The following PTPRR variants were observed in gnomAD, a reference collection of about 807,000 sequenced individuals.
PTPRR encodes receptor-type tyrosine-protein phosphatase R.
Under a neutral mutation model 77.2 loss-of-function variants are expected in PTPRR, and 38 were observed. The observed-to-expected ratio is 0.49, with a 90% CI of 0.38 to 0.65. The LOEUF (loss-of-function observed/expected upper bound fraction) is 0.65, where lower values mean the gene tolerates loss of function less well. Among genes scored for constraint, PTPRR ranks in the 30% least tolerant of loss-of-function variants. The probability of loss-of-function intolerance (pLI) is 0.00; values close to 1 mark genes in which losing one functional copy is unlikely to be tolerated. For missense variants in PTPRR, 744 were observed against 799.2 expected (o/e 0.93, Z 0.83); for synonymous variants, 299 against 283.1 (o/e 1.06, Z -0.57).
intron 2 of PTPRR, among the ~76,000 whole-genome samples, chr12:70,831,877 G>A (rs1231401420): frequency 6.6e-6 from 1 of 152,158 alleles, no homozygotes; most frequent in Non-Finnish European, 1.5e-5. Flanking sequence ...CTTGAACTGA[G>A]GGGTTCTTCT....
At chr12:70,656,560 A>C (rs1434922879) in intron 13 of PTPRR, 144 bp downstream of exon 13, 4 of 559,722 alleles carry the variant, frequency 7.1e-6, no homozygotes, top group Non-Finnish European at 1.3e-5. Flanking sequence ...TTTTTAATAT[A>C]ATGCATATAC....
intron 6 of PTPRR, among the ~76,000 whole-genome samples, chr12:70,731,571 G>T (rs1359955657): frequency 6.6e-6 from 1 of 152,206 alleles, no homozygotes; most frequent in Non-Finnish European, 1.5e-5. Context: ...TCATTAAACA[G>T]GAGCAGAGGG....
At chr12:70,818,639 T>A (rs1355360887) in intron 2 of PTPRR, among the ~76,000 whole-genome samples, 1 of 152,226 alleles carries the variant, frequency 6.6e-6, no homozygotes, top group Non-Finnish European at 1.5e-5. Flanking sequence ...GGTTGGCTCA[T>A]AGTTGTCATG....
At chr12:70,767,248 G>C (rs1890848759) in intron 2 of PTPRR, among the ~76,000 whole-genome samples, 1 of 151,994 alleles carries the variant, frequency 6.6e-6, no homozygotes, top group Non-Finnish European at 1.5e-5. Flanking sequence ...AGACCCATCA[G>C]TGTGCTGTAT....
intron 2 of PTPRR, among the ~76,000 whole-genome samples, chr12:70,827,519 T>C (rs951084247): frequency 1.3e-5 from 2 of 149,526 alleles, no homozygotes; most frequent in African/African-American, 5.0e-5. Flanking sequence ...CTCCAGAATA[T>C]CTTTTCTTTT....
chr12:70,874,251 T>A (rs546704050), intron 2 of PTPRR, among the ~76,000 whole-genome samples: 2 of 152,306 alleles, frequency 1.3e-5, no homozygotes, highest in East Asian at 3.9e-4. Flanking sequence ...AGTCCCCTGA[T>A]TTTAATGCCC....
intron 4 of PTPRR, among the ~76,000 whole-genome samples, chr12:70,756,389 T>C (rs186458614): frequency 5.9e-5 from 9 of 152,190 alleles, no homozygotes; most frequent in Admixed American, 2.0e-4. Flanking sequence ...TGTACAGAGA[T>C]CTAAAAAACT....
intron 4 of PTPRR, among the ~76,000 whole-genome samples, chr12:70,756,726 C>G (rs1257056999): frequency 6.6e-6 from 1 of 152,062 alleles, no homozygotes; most frequent in Non-Finnish European, 1.5e-5. Context: ...TTCTCTATAT[C>G]CTGTTTAATA....
Position 70,745,965 on chromosome 12 carries a change from T to C in PTPRR, c.860A>G (p.His287Arg). 1 of 1,614,168 alleles carries C rather than the reference T, an allele frequency of 6.2e-7. No homozygotes were observed. Among genetic ancestry groups the C allele is most frequent in the Non-Finnish European group, 8.5e-7 (1 of 1,180,022 alleles). The change falls in exon 6 of 14, where the codon CAC becomes CGC. Residue 287 changes from histidine to arginine, a missense_variant. Physicochemically the swap from His to Arg is conservative, Grantham distance 29 (BLOSUM62 0). This residue lies in a region of PTPRR where 570 missense variants were observed against 573.2 expected (regional missense o/e 0.99). Transcript: ENST00000283228. ...QPALSEAKTV[H>R]SMVQPEQAPK... ...GGCCTGCTCAGGTTGGACCATGCTG[T>C]GGACTGTCTTTGCCTCGGACAGTGC...
At chr12:70,798,223 T>C (rs973602411) in intron 2 of PTPRR, among the ~76,000 whole-genome samples, 2 of 152,138 alleles carry the variant, frequency 1.3e-5, no homozygotes, top group African/African-American at 4.8e-5. Context: ...ACCCACTCCA[T>C]CCTCAGATAT....
At chr12:70,821,811 C>T (rs1433993936) in intron 2 of PTPRR, among the ~76,000 whole-genome samples, 1 of 151,984 alleles carries the variant, frequency 6.6e-6, no homozygotes, top group Non-Finnish European at 1.5e-5. Context: ...ACTACAGGCG[C>T]CCGCCACCAC....
intron 2 of PTPRR, among the ~76,000 whole-genome samples, chr12:70,844,890 T>A (rs1030545825): frequency 1.3e-5 from 2 of 152,098 alleles, no homozygotes; most frequent in African/African-American, 4.8e-5. Flanking sequence ...TCTCAAGGAA[T>A]TAGAATTTGG....
chr12:70,852,536 G>A (rs1426190431), intron 2 of PTPRR, among the ~76,000 whole-genome samples: 1 of 152,074 alleles, frequency 6.6e-6, no homozygotes, highest in Non-Finnish European at 1.5e-5. Flanking sequence ...AACAGCAATC[G>A]AATCCCTTCT....
chr12:70,896,082 G>A (rs965866329), intron 1 of PTPRR, among the ~76,000 whole-genome samples: 1 of 151,530 alleles, frequency 6.6e-6, no homozygotes, highest in African/African-American at 2.4e-5. Context: ...AAGAAACCTG[G>A]AGTGACTATA....
At chr12:70,898,669 C>A (rs1565735140) in intron 1 of PTPRR, among the ~76,000 whole-genome samples, 1 of 149,186 alleles carries the variant, frequency 6.7e-6, no homozygotes. Context: ...GGTCTCAAAT[C>A]AAAAATATAA....
chr12:70,639,432 G>T, intron 13 of PTPRR, 155 bp from the exon 14 acceptor site: 1 of 1,377,176 alleles, frequency 7.3e-7, no homozygotes, highest in Non-Finnish European at 9.6e-7. Flanking sequence ...GTGTCCAAAT[G>T]TCTCAACTAT....
At chr12:70,903,802 G>A (rs1893579328) in intron 1 of PTPRR, among the ~76,000 whole-genome samples, 1 of 151,752 alleles carries the variant, frequency 6.6e-6, no homozygotes, top group Admixed American at 6.6e-5. Flanking sequence ...GCTAGCTAGA[G>A]AGTGGGAGAA....
At chr12:70,801,748 T>C (rs1891619271) in intron 2 of PTPRR, among the ~76,000 whole-genome samples, 2 of 152,130 alleles carry the variant, frequency 1.3e-5, no homozygotes, top group African/African-American at 2.4e-5. Context: ...AATAAATCTA[T>C]CTATCTATCT....
At position 70,770,537 on chromosome 12, in the gene PTPRR, T is replaced by C. The variant is rs1592747346; in HGVS notation, c.358-5759A>G. ...AGGTGCTGGAGAGGATGTGGAGAAA[T>C]AGGAACACTTTTATACTGTTGGTGG... On this transcript the variant is annotated intron_variant, in intron 2 of 13. Transcript: ENST00000283228. Among the ~76,000 whole-genome samples the C allele has an allele frequency of 5.9e-5, 9 of 152,212 alleles. 1 individual carries two copies. In the South Asian group the frequency reaches 1.7e-3, roughly 28 times the overall value.
Sources: allele counts gnomAD v4.1 joint callset (sites outside exome capture counted in the v4.1 genomes callset), GRCh38; gene constraint gnomAD v4.1.1; regional missense constraint gnomAD v4.1.1; transcripts MANE v1.5; gene names NCBI Gene and HGNC (gene_info 2026-07-23, HGNC 2026-07-21).